FGF12: variants seen among roughly 807,000 people sequenced by gnomAD.
FGF12 encodes the protein fibroblast growth factor 12B.
Under a neutral mutation model 23.6 loss-of-function variants are expected in FGF12, and 14 were observed. The ratio of observed to expected loss-of-function variants is 0.59; its 90% CI spans 0.39 to 0.93. The LOEUF (loss-of-function observed/expected upper bound fraction) is 0.93. Ranked by LOEUF, FGF12 falls within the 40% of genes least tolerant of loss-of-function variation. The pLI is 0.00. For missense variants in FGF12, 175 were observed against 217.8 expected, an observed-to-expected ratio of 0.80 and a Z score of 1.24; for synonymous variants, 62 against 77.3, an observed-to-expected ratio of 0.80 and a Z score of 1.04.
chr3:192,218,111 G>GGC (rs1560196548), intron 4 of FGF12, among the ~76,000 whole-genome samples: 1 of 152,140 alleles, frequency 6.6e-6, no homozygotes. Flanking sequence ...GGGATTACAA[G>GGC]CGTCAGCCAC....
At chr3:192,268,864 T>C (rs1405224856) in intron 4 of FGF12, 1 of 160,618 alleles carries the variant, frequency 6.2e-6, no homozygotes, top group Admixed American at 6.5e-5. Flanking sequence ...GAACTTTGTA[T>C]GCAAATGTTA....
intron 2 of FGF12, among the ~76,000 whole-genome samples, chr3:192,582,569 C>T (rs1247706690): frequency 2.0e-5 from 3 of 151,968 alleles, no homozygotes; most frequent in Admixed American, 6.6e-5. Context: ...GAAGTGAGAG[C>T]AGTCCTAAGG....
At chr3:192,248,622 CA>C (rs1160030782) in intron 4 of FGF12, among the ~76,000 whole-genome samples, 2 of 151,876 alleles carry the variant, frequency 1.3e-5, no homozygotes, top group African/African-American at 2.4e-5. Flanking sequence ...AAAATAAAAA[CA>C]AAAAATTAGC....
In FGF12 at chr3:192,611,966, G is replaced by GA. The variant is rs547119099; in HGVS notation, c.13+115214dup. ...CTCTGCACTCAAGTGAGTTGAGGGAGATGAGGCAGACATTCTACGGAGAGT... is the reference window on the plus strand; with the variant it reads ...CTCTGCACTCAAGTGAGTTGAGGGAGAATGAGGCAGACATTCTACGGAGAGT... On this transcript the variant is annotated intron_variant, in intron 2 of 5. Transcript: ENST00000445105. 2.6e-4 allele frequency among the ~76,000 whole-genome samples: 40 copies of GA among 152,130 alleles called. 1 individual carries two copies. The East Asian group carries it at 7.7e-3, about 29-fold the overall frequency.
At chr3:192,159,147 T>C (rs1764377230) in intron 5 of FGF12, among the ~76,000 whole-genome samples, 1 of 152,226 alleles carries the variant, frequency 6.6e-6, no homozygotes, top group South Asian at 2.1e-4. Flanking sequence ...TAATATTCAA[T>C]ATTACCTTCT....
At chr3:192,541,150 T>C (rs976042250) in intron 2 of FGF12, among the ~76,000 whole-genome samples, 4 of 152,154 alleles carry the variant, frequency 2.6e-5, no homozygotes, top group Admixed American at 6.6e-5. Context: ...AGCAAGGACT[T>C]ACCCCTGCCA....
Position 192,299,588 on chromosome 3 carries a change from A to T in FGF12, c.228+35773T>A, listed in dbSNP as rs568595590. ...GCAAACATACAATAAGTCTACAGAA[A>T]CTCCTCAAATACACATTTAACTTTG... is the stretch of plus-strand genomic sequence containing the variant. On this transcript the variant is annotated intron_variant, in intron 4 of 5. Coordinates refer to ENST00000445105, the MANE Select transcript of FGF12 (RefSeq NM_004113.6). Among the ~76,000 whole-genome samples, 24 of 152,280 alleles carry T rather than the reference A, an allele frequency of 1.6e-4. No individual in the cohort carries two copies. In the South Asian group the frequency reaches 4.6e-3, roughly 29 times the overall value.
chr3:192,355,768 A>G (rs1718446408), intron 3 of FGF12, among the ~76,000 whole-genome samples: 1 of 152,234 alleles, frequency 6.6e-6, no homozygotes, highest in South Asian at 2.1e-4. Context: ...GAACAGAGCA[A>G]GGTTAAAGCT....
At chr3:192,463,588 A>G (rs1722923868) in intron 2 of FGF12, among the ~76,000 whole-genome samples, 1 of 152,164 alleles carries the variant, frequency 6.6e-6, no homozygotes, top group African/African-American at 2.4e-5. Flanking sequence ...ATGAGCTGCC[A>G]GTTGCACTTA....
intron 2 of FGF12, among the ~76,000 whole-genome samples, chr3:192,420,574 A>G (rs1051071756): frequency 5.9e-5 from 9 of 152,114 alleles, no homozygotes; most frequent in Non-Finnish European, 1.2e-4. Context: ...GTTAATTGTT[A>G]AAAACAGTCT....
At chr3:192,322,045 G>C (rs1263112776) in intron 4 of FGF12, among the ~76,000 whole-genome samples, 1 of 151,810 alleles carries the variant, frequency 6.6e-6, no homozygotes, top group Non-Finnish European at 1.5e-5. Flanking sequence ...GTTTGCAGAT[G>C]ATATGATAGT....
intron 2 of FGF12, among the ~76,000 whole-genome samples, chr3:192,465,124 A>G (rs1011996787): frequency 6.6e-6 from 1 of 152,214 alleles, no homozygotes. Context: ...ATTAAATCCC[A>G]ATTATTTGTT....
intron 2 of FGF12, among the ~76,000 whole-genome samples, chr3:192,555,823 T>C (rs940154403): frequency 1.3e-5 from 2 of 151,674 alleles, no homozygotes; most frequent in Non-Finnish European, 2.9e-5. Context: ...AAGATGTAAT[T>C]TGTGACATCT....
Position 192,612,391 on chromosome 3 carries a change from G to C in FGF12, c.13+114790C>G, listed in dbSNP as rs528830396. 2.6e-5 allele frequency among the ~76,000 whole-genome samples: 4 copies of C among 151,938 alleles called. No individual in the cohort carries two copies. In the East Asian group the frequency reaches 7.8e-4, roughly 29 times the overall value. On this transcript the variant is annotated intron_variant, in intron 2 of 5. Coordinates refer to ENST00000445105, the MANE Select transcript of FGF12 (RefSeq NM_004113.6). ...AAACGAAGTTTTGCTTTATTATGCC[G>C]AACTGGGATCTATAACACACATCTG...
intron 4 of FGF12, among the ~76,000 whole-genome samples, chr3:192,323,527 G>T (rs546687614): frequency 1.8e-4 from 27 of 152,230 alleles, no homozygotes; most frequent in African/African-American, 6.3e-4. Context: ...CACACATGGA[G>T]TTAGAGAGTA....
chr3:192,602,872 C>A (rs2246599), intron 2 of FGF12, among the ~76,000 whole-genome samples: 1 of 152,060 alleles, frequency 6.6e-6, no homozygotes, highest in Non-Finnish European at 1.5e-5. Flanking sequence ...TAGGAGGCAA[C>A]GTTGGTTCAA....
At chr3:192,588,220 G>C (rs1366174732) in intron 2 of FGF12, among the ~76,000 whole-genome samples, 1 of 150,726 alleles carries the variant, frequency 6.6e-6, no homozygotes. Flanking sequence ...TGTGGTGGCG[G>C]GCTCCTGTAG....
chr3:192,297,803 A>T (rs1174551044), intron 4 of FGF12, among the ~76,000 whole-genome samples: 2 of 152,186 alleles, frequency 1.3e-5, no homozygotes. Flanking sequence ...TGCTGTTTTG[A>T]TATGGTTAAC....
chr3:192,256,725 T>TC (rs914213653), intron 4 of FGF12, among the ~76,000 whole-genome samples: 34 of 152,278 alleles, frequency 2.2e-4, no homozygotes, highest in African/African-American at 7.7e-4. Flanking sequence ...TTAAAAGTCT[T>TC]ATTGGAGAAT....
Sources: allele counts gnomAD v4.1 joint callset (sites outside exome capture counted in the v4.1 genomes callset), GRCh38; gene constraint gnomAD v4.1.1; transcripts MANE v1.5; gene names NCBI Gene and HGNC (gene_info 2026-07-23, HGNC 2026-07-21).